Variants in GPR161 observed in about 807,000 individuals in gnomAD.
GPR161 encodes G protein-coupled receptor 161, also known as G-protein coupled receptor RE2.
In GPR161, 25 loss-of-function variants were observed where a neutral mutation model predicts 39.2. The ratio of observed to expected loss-of-function variants is 0.64; its 90% confidence interval spans 0.47 to 0.89. GPR161 has a LOEUF of 0.89. Among genes scored for constraint, GPR161 ranks in the 40% least tolerant of loss-of-function variants. The probability of loss-of-function intolerance (pLI) is 0.00; values close to 1 mark genes in which losing one functional copy is unlikely to be tolerated. For synonymous variants in GPR161, 286 were observed against 276.6 expected (o/e 1.03, Z -0.34); for missense variants, 547 against 677.8 (o/e 0.81, Z 2.14).
In GPR161 at chr1:168,090,442, C is replaced by T. The variant is rs74122627; in HGVS notation, c.1204+122G>A. The T allele has an allele frequency of 6.2e-3, 3,517 of 564,790 alleles. 93 individuals carry two copies. The highest frequency in any genetic ancestry group is 0.06 in the African/African-American group (3,175 of 52,836). The allele number at this position is 564,790 out of a possible 1,614,324, so 35.0% of individuals were successfully genotyped here. ...ACCCAGACTTATGATTCTCACCCCC[C>T]ACCCACCGTGGGAAATGCCCCTCCG... On this transcript the variant is annotated intron_variant, in intron 4 of 5. Coordinates refer to ENST00000682931, the MANE Select transcript of GPR161 (RefSeq NM_001375883.1).
upstream of GPR161, chr1:168,137,100 C>T: frequency 9.0e-7 from 1 of 1,112,194 alleles, no homozygotes; most frequent in Non-Finnish European, 1.1e-6. Flanking sequence ...CCCGCCCTCC[C>T]GGCTGCTTCT....
chr1:168,104,145 G>T (rs1390614269), intron 2 of GPR161, among the ~76,000 whole-genome samples: 2 of 152,214 alleles, frequency 1.3e-5, no homozygotes, highest in African/African-American at 4.8e-5. Flanking sequence ...GAGAAGCAGA[G>T]TCAGAGGCCC....
upstream of GPR161, chr1:168,137,346 C>G (rs1483555307): frequency 7.8e-6 from 12 of 1,535,756 alleles, no homozygotes; most frequent in Non-Finnish European, 1.0e-5. Flanking sequence ...TTCTCCTCCT[C>G]CAGTCCCGCC....
intron 1 of GPR161, among the ~76,000 whole-genome samples, chr1:168,120,539 T>G (rs1261149585): frequency 6.6e-6 from 1 of 152,132 alleles, no homozygotes; most frequent in Non-Finnish European, 1.5e-5. Context: ...GAAGGGATAA[T>G]TGGTTTTGAA....
chr1:168,109,621 AT>A (rs1256967641), intron 1 of GPR161, among the ~76,000 whole-genome samples: 1 of 152,180 alleles, frequency 6.6e-6, no homozygotes, highest in Non-Finnish European at 1.5e-5. Flanking sequence ...GGGTACCAAC[AT>A]TTTTTTCCAT....
chr1:168,136,195 C>A (rs1288680036), intron 1 of GPR161: 4 of 1,277,070 alleles, frequency 3.1e-6, no homozygotes, highest in Non-Finnish European at 4.0e-6. Flanking sequence ...GCGCGCCACC[C>A]GCCGCCCGCC....
upstream of GPR161, chr1:168,136,994 G>T: frequency 1.7e-6 from 1 of 586,040 alleles, no homozygotes; most frequent in Non-Finnish European, 1.9e-6. Flanking sequence ...TCCGGCCCCC[G>T]GAGCCCCGAG....
rs1397494633 is a variant in GPR161, at chr1:168,099,557, C to T, written c.375-2325G>A. ...TTTCCTTCTGGCTCTTCTCAACACC[C>T]AGTTATTATTACTACTTTATGGCAA... On this transcript the variant is annotated intron_variant, in intron 2 of 5. Coordinates refer to ENST00000682931, the MANE Select transcript of GPR161 (RefSeq NM_001375883.1). 2.6e-5 allele frequency among the ~76,000 whole-genome samples: 4 copies of T among 152,170 alleles called. No homozygotes were observed. In the East Asian group the frequency reaches 7.7e-4, roughly 29 times the overall value.
chr1:168,105,019 T>C (rs1696476301), intron 1 of GPR161, 125 bp from the exon 2 acceptor site: 2 of 665,810 alleles, frequency 3.0e-6, no homozygotes, highest in Non-Finnish European at 5.0e-6. Context: ...TAGTACAGAC[T>C]CTCAGCGGGT....
chr1:168,121,764 C>T (rs978285112), intron 1 of GPR161, among the ~76,000 whole-genome samples: 2 of 152,214 alleles, frequency 1.3e-5, no homozygotes, highest in Non-Finnish European at 2.9e-5. Context: ...TGGCAGCCCG[C>T]CGGCTGCCCC....
At chr1:168,113,942 A>G (rs1328041864) in intron 1 of GPR161, among the ~76,000 whole-genome samples, 3 of 152,224 alleles carry the variant, frequency 2.0e-5, no homozygotes, top group Non-Finnish European at 4.4e-5. Context: ...GTTTACCTAT[A>G]TAACAAACCT....
At chr1:168,091,939 A>T (rs1388791979) in intron 3 of GPR161, among the ~76,000 whole-genome samples, 1 of 150,286 alleles carries the variant, frequency 6.7e-6, no homozygotes, top group Non-Finnish European at 1.5e-5. Flanking sequence ...ACTCACAGAT[A>T]GGAGGAGACC....
At chr1:168,100,454 C>T (rs150697318) in intron 2 of GPR161, among the ~76,000 whole-genome samples, 1 of 152,240 alleles carries the variant, frequency 6.6e-6, no homozygotes, top group Non-Finnish European at 1.5e-5. Flanking sequence ...TGTCTTGAGG[C>T]TCTCAATCTT....
intron 1 of GPR161, among the ~76,000 whole-genome samples, chr1:168,124,870 C>T (rs966319797): frequency 2.0e-5 from 3 of 152,194 alleles, no homozygotes; most frequent in Admixed American, 2.0e-4. Context: ...TGCTGTGTGG[C>T]ATGCCTGATC....
chr1:168,085,764 C>T lies in GPR161; in HGVS notation c.1357G>A (p.Ala453Thr), dbSNP rs1694432543. 1.2e-6 allele frequency: 2 copies of T among 1,613,600 alleles called. No individual in the cohort carries two copies. Among genetic ancestry groups the T allele is most frequent in the Admixed American group, 3.3e-5 (2 of 59,998 alleles). Residue 453 changes from alanine (A) to threonine (T), a missense_variant, in exon 6 of 6, where the codon GCT (alanine) becomes ACT (threonine). Coordinates refer to ENST00000682931, the MANE Select transcript of GPR161 (RefSeq NM_001375883.1). ...CTGTCCAAGGACTTGTGTACTTCAG[C>T]TTTCACATGAAGAATCGAGTTCTTG... is the stretch of plus-strand genomic sequence containing the variant. ...AAKNSILHVKAEVHKSLDSYA... is the reference protein window; with the variant it reads ...AAKNSILHVKTEVHKSLDSYA...
intron 4 of GPR161, chr1:168,090,317 A>G (rs1272753951): frequency 1.0e-5 from 4 of 385,358 alleles, no homozygotes; most frequent in African/African-American, 2.0e-5. Context: ...CAACCCCCTA[A>G]TAACACCGTG....
intron 4 of GPR161, 148 bp downstream of exon 4, chr1:168,090,416 A>G: frequency 1.9e-6 from 1 of 535,466 alleles, no homozygotes; most frequent in Non-Finnish European, 3.4e-6. Flanking sequence ...CACGACTGGA[A>G]ACCCAGACTT....
chr1:168,103,872 G>A (rs1453281843), intron 2 of GPR161, among the ~76,000 whole-genome samples: 1 of 152,218 alleles, frequency 6.6e-6, no homozygotes, highest in African/African-American at 2.4e-5. Flanking sequence ...GCATAATGCG[G>A]GACCCTGAAG....
Position 168,130,717 on chromosome 1 carries a change from C to T in GPR161, c.-45+6022G>A, listed in dbSNP as rs553044076. On this transcript the variant is annotated intron_variant, in intron 1 of 5. Transcript: ENST00000682931. ...TGTATAGCCTAGAAACTCTTTGGTG[C>T]TCCAGATTCATATCCACCCACCTTG... Among the ~76,000 whole-genome samples, 4 of 152,318 alleles carry T rather than the reference C, an allele frequency of 2.6e-5. No homozygotes were observed. The South Asian group carries it at 8.3e-4, about 32-fold the overall frequency.
Sources: gnomAD v4.1 joint callset for allele counts (sites outside exome capture counted in the v4.1 genomes callset) on GRCh38, gnomAD v4.1.1 for gene constraint, MANE v1.5 for transcripts, NCBI Gene and HGNC (gene_info 2026-07-23, HGNC 2026-07-21) for gene names.